GCC2: variants seen among roughly 807,000 people sequenced by gnomAD.
GCC2 encodes GRIP and coiled-coil domain containing 2.
A neutral mutation model predicts 210.6 loss-of-function variants in GCC2; 120 were observed. That is an observed-to-expected ratio of 0.57 (90% CI 0.49 to 0.66). The LOEUF is 0.66. Among genes scored for constraint, GCC2 ranks in the 30% least tolerant of loss-of-function variants. The probability of loss-of-function intolerance (pLI) is 0.00; values close to 1 mark genes in which losing one functional copy is unlikely to be tolerated. For synonymous variants in GCC2, 703 were observed against 652.7 expected, an observed-to-expected ratio of 1.08 and a Z score of -1.17; for missense variants, 1,868 against 1,871.9, an observed-to-expected ratio of 1.00 and a Z score of 0.04.
rs1417335046 is a variant in GCC2, at chr2:108,449,669, C to T, written c.43C>T (p.Pro15Ser). ...VQDGVASPATPGTGKSKLETL... is the reference protein window; with the variant it reads ...VQDGVASPATSGTGKSKLETL... ...AGATGGGGTGGCTTCACCAGCTACC[C>T]CTGGGACCGGGAAATCTAAGGTGAA... The change falls in exon 2 of 23, where the codon CCT becomes TCT. Residue 15 changes from proline (P) to serine (S), a missense_variant. Coordinates refer to ENST00000309863, the MANE Select transcript of GCC2 (RefSeq NM_181453.4). 1.2e-6 allele frequency: 2 copies of T among 1,613,640 alleles called. No individual in the cohort carries two copies. The highest frequency in any genetic ancestry group is 1.7e-6 in the Non-Finnish European group (2 of 1,179,632).
At chr2:108,455,272 T>C (rs1199469073) in intron 4 of GCC2, among the ~76,000 whole-genome samples, 1 of 152,092 alleles carries the variant, frequency 6.6e-6, no homozygotes. Flanking sequence ...AAACCCCATC[T>C]CTACTCAAAA....
intron 19 of GCC2, among the ~76,000 whole-genome samples, chr2:108,493,049 G>C (rs1222650399): frequency 6.6e-6 from 1 of 152,174 alleles, no homozygotes; most frequent in African/African-American, 2.4e-5. Context: ...ATGGAAAGGA[G>C]TATTTCTTTT....
In GCC2 at chr2:108,496,953, G is replaced by C; in HGVS notation, c.4643-17G>C. 6.2e-7 allele frequency: 1 copy of C among 1,610,936 alleles called. No individual in the cohort carries two copies. The highest frequency in any genetic ancestry group is 1.1e-5 in the South Asian group (1 of 90,634). On this transcript the variant is annotated splice_polypyrimidine_tract_variant and intron_variant, in intron 20 of 22. Transcript: ENST00000309863. The stretch of plus-strand genomic sequence containing the variant: ...TGTATGATTTTGAAAATTAATTCTT[G>C]GAACAACATGTTGCAGAGCCTCCAT...
intron 4 of GCC2, among the ~76,000 whole-genome samples, chr2:108,460,503 C>T (rs561437224): frequency 2.0e-5 from 3 of 152,044 alleles, no homozygotes; most frequent in African/African-American, 7.2e-5. Flanking sequence ...CTTTCTCTTC[C>T]TTATTTGTGT....
chr2:108,479,729 A>C (rs1016927233), intron 9 of GCC2, among the ~76,000 whole-genome samples: 4 of 151,998 alleles, frequency 2.6e-5, no homozygotes, highest in Non-Finnish European at 5.9e-5. Context: ...CATGCCTGTA[A>C]TTCCAACACT....
chr2:108,475,881 T>C (rs1407516679), intron 9 of GCC2, 31 bp downstream of exon 9: 1 of 1,163,110 alleles, frequency 8.6e-7, no homozygotes, highest in East Asian at 2.4e-5. Flanking sequence ...TAACAAGTTA[T>C]AAAAGTTGTA....
In GCC2 at chr2:108,486,513, A is replaced by T; in HGVS notation, c.3795A>T (p.Ile1265=). 6.2e-7 allele frequency: 1 copy of T among 1,614,138 alleles called. No homozygotes were observed. Among genetic ancestry groups the T allele is most frequent in the Non-Finnish European group, 8.5e-7 (1 of 1,179,980 alleles). The change falls in exon 16 of 23, where the codon ATA becomes ATT. Residue 1265 remains isoleucine (I), a splice_region_variant and synonymous_variant. Coordinates refer to ENST00000309863, the MANE Select transcript of GCC2 (RefSeq NM_181453.4). ...TAAATTTAAAGATTTACCCCCAGAT[A>T]CAGCTGGCTGAAATAACATCAGAGA... ...ASQQQVEVYK[I]QLAEITSEKH... is the part of the protein sequence containing the mutation.
chr2:108,489,749 G>A (rs964994615), intron 17 of GCC2, 89 bp from the exon 18 acceptor site: 23 of 780,110 alleles, frequency 2.9e-5, no homozygotes, highest in Middle Eastern at 3.6e-4. Flanking sequence ...GTATGGCATT[G>A]AAAGGTTAAA....
intron 4 of GCC2, among the ~76,000 whole-genome samples, chr2:108,458,563 T>A (rs1558730222): frequency 6.6e-6 from 1 of 151,924 alleles, no homozygotes; most frequent in Non-Finnish European, 1.5e-5. Flanking sequence ...GGGCTTTTCT[T>A]TGTGGGGAGA....
intron 22 of GCC2, among the ~76,000 whole-genome samples, chr2:108,505,807 G>T (rs1370662304): frequency 6.6e-6 from 1 of 152,130 alleles, no homozygotes; most frequent in East Asian, 1.9e-4. Flanking sequence ...ATAAATATGT[G>T]TTAAGGTACT....
Position 108,492,806 on chromosome 2 carries a change from T to TA in GCC2, c.4447+16_4447+17insA, listed in dbSNP as rs761938195. 45 of 1,520,382 alleles carry TA rather than the reference T, an allele frequency of 3.0e-5. No individual in the cohort carries two copies. The highest frequency in any genetic ancestry group is 3.3e-5 in the Non-Finnish European group (36 of 1,094,502). The allele number at this position is 1,520,382 out of a possible 1,614,324, so 94.2% of individuals were successfully genotyped here. ...ACCACAAGAAGTATGTATGTACACATGGAAATATTAGTTGTTCATGTTTTC... is the reference window on the plus strand; with the variant it reads ...ACCACAAGAAGTATGTATGTACACATAGGAAATATTAGTTGTTCATGTTTTC... On this transcript the variant is annotated intron_variant, in intron 19 of 22. Transcript: ENST00000309863.
At position 108,486,549 on chromosome 2, in the gene GCC2, C is replaced by T. The variant is rs1031269477; in HGVS notation, c.3831C>T (p.Ile1277=). The change falls in exon 16 of 23, where the codon ATC becomes ATT. Residue 1277 remains isoleucine, a synonymous_variant. Transcript: ENST00000309863. ...AAATAACATCAGAGAAGCACAAAAT[C>T]CACGAGCACCTGAAAACCTCTGCGG... ...LAEITSEKHK[I]HEHLKTSAEQ... The T allele has an allele frequency of 6.2e-7, 1 of 1,614,104 alleles. No homozygotes were observed. The highest frequency in any genetic ancestry group is 1.1e-5 in the South Asian group (1 of 91,078).
In GCC2 at chr2:108,493,729, G is replaced by A. The variant is rs73954368; in HGVS notation, c.4447+939G>A. ...TGTCACTGGAGCATTAGCCGCTATC[G>A]GTCACTTATTAGGGTAAAAAAGCAA... On this transcript the variant is annotated intron_variant, in intron 19 of 22. Coordinates refer to ENST00000309863, the MANE Select transcript of GCC2 (RefSeq NM_181453.4). 4.1e-3 allele frequency: 4,031 copies of A among 985,268 alleles called. 96 individuals are homozygous for A. The African/African-American group carries it at 0.057, about 14-fold the overall frequency. 61.0% of individuals were successfully genotyped at this position (985,268 alleles called of 1,614,324 possible).
intron 15 of GCC2, 143 bp from the exon 16 acceptor site, chr2:108,486,368 T>C: frequency 2.5e-6 from 2 of 785,126 alleles, no homozygotes; most frequent in Admixed American, 4.3e-5. Context: ...GCTTTTTCAA[T>C]AATAATACAT....
chr2:108,503,982 T>A (rs1015267156), intron 22 of GCC2, among the ~76,000 whole-genome samples: 7 of 152,058 alleles, frequency 4.6e-5, no homozygotes, highest in African/African-American at 1.7e-4. Flanking sequence ...GTGGCATGTG[T>A]CCATAGTCCT....
intron 17 of GCC2, among the ~76,000 whole-genome samples, chr2:108,489,446 C>T (rs1326417473): frequency 1.3e-5 from 2 of 151,454 alleles, no homozygotes; most frequent in South Asian, 2.1e-4. Flanking sequence ...ACCTGGGAGG[C>T]GGAAGCTGCA....
chr2:108,468,691 CAGAAT>C (rs1681030490), intron 4 of GCC2, among the ~76,000 whole-genome samples: 1 of 152,184 alleles, frequency 6.6e-6, no homozygotes, highest in Admixed American at 6.5e-5. Flanking sequence ...TTCAGTTCTG[CAGAAT>C]ATTTGCCAGG....
chr2:108,489,423 G>A (rs990797979), intron 17 of GCC2, among the ~76,000 whole-genome samples: 1 of 152,054 alleles, frequency 6.6e-6, no homozygotes, highest in Admixed American at 6.5e-5. Flanking sequence ...GCTGAGGCAG[G>A]AGGATCACTT....
In GCC2 at chr2:108,493,602, A is replaced by G. The variant is rs1460633442; in HGVS notation, c.4447+812A>G. On this transcript the variant is annotated intron_variant, in intron 19 of 22. Coordinates refer to ENST00000309863, the MANE Select transcript of GCC2 (RefSeq NM_181453.4). ...GAGTTTTAGTTCAGCCACACCCAGT[A>G]TCTTCCATTCTGCTTCCAGGAAGAC... The G allele has an allele frequency of 6.1e-6, 6 of 985,364 alleles. No homozygotes were observed. In the Admixed American group the frequency reaches 2.5e-4, roughly 40 times the overall value. The allele number at this position is 985,364 out of a possible 1,614,324, so 61.0% of individuals were successfully genotyped here.
Sources: gnomAD v4.1 joint callset for allele counts (sites outside exome capture counted in the v4.1 genomes callset) on GRCh38, gnomAD v4.1.1 for gene constraint, MANE v1.5 for transcripts, NCBI Gene and HGNC (gene_info 2026-07-23, HGNC 2026-07-21) for gene names.